The following SHROOM3 variants were observed in gnomAD, a reference collection of about 807,000 sequenced individuals.
SHROOM3 encodes shroom family member 3, also known as protein Shroom3.
A neutral mutation model predicts 138.6 loss-of-function variants in SHROOM3; 47 were observed. The ratio of observed to expected loss-of-function variants is 0.34; its 90% confidence interval spans 0.27 to 0.43. The LOEUF is 0.43. Ranked by LOEUF, SHROOM3 falls within the 20% of genes least tolerant of loss-of-function variation. SHROOM3 has a pLI of 1.00. For missense variants in SHROOM3, 2,491 were observed against 2,596.5 expected (o/e 0.96, Z 0.88); for synonymous variants, 1,062 against 1,063.3 (o/e 1.00, Z 0.02).
At chr4:76,532,496 G>C (rs989250909) in intron 1 of SHROOM3, among the ~76,000 whole-genome samples, 1 of 152,124 alleles carries the variant, frequency 6.6e-6, no homozygotes, top group Non-Finnish European at 1.5e-5. Context: ...GACATTCCAA[G>C]ACCCCCATTG....
intron 9 of SHROOM3, among the ~76,000 whole-genome samples, chr4:76,767,253 C>T (rs1482190581): frequency 6.6e-6 from 1 of 152,160 alleles, no homozygotes; most frequent in Admixed American, 6.5e-5. Flanking sequence ...GAGCTGTTGA[C>T]CTGAGTTCAG....
In SHROOM3 at chr4:76,741,995, C is replaced by A; in HGVS notation, c.3753+69C>A. The A allele has an allele frequency of 6.4e-7, 1 of 1,554,564 alleles. No homozygotes were observed. Among genetic ancestry groups the A allele is most frequent in the Non-Finnish European group, 8.8e-7 (1 of 1,141,898 alleles). ...CCCTAGAAGCTTTAGTGGGGCTCCC[C>A]AACCCCCCACACTCTCACCCGCTCT... On this transcript the variant is annotated intron_variant, in intron 5 of 10. Coordinates refer to ENST00000296043, the MANE Select transcript of SHROOM3 (RefSeq NM_020859.4). The surrounding 1 kb of genome is among the most constrained non-coding windows in gnomAD (Gnocchi z 6.2).
At chr4:76,778,435 T>C (rs1007616019) in intron 10 of SHROOM3, among the ~76,000 whole-genome samples, 9 of 152,134 alleles carry the variant, frequency 5.9e-5, no homozygotes, top group Non-Finnish European at 1.2e-4. Context: ...TTGGCCAGGC[T>C]GGGTTTGAAC....
chr4:76,611,281 C>T (rs1338519998), intron 2 of SHROOM3, among the ~76,000 whole-genome samples: 1 of 151,036 alleles, frequency 6.6e-6, no homozygotes, highest in Non-Finnish European at 1.5e-5. Flanking sequence ...TTAAAGTCTG[C>T]GTTCTCATTC....
At chr4:76,710,812 T>C (rs1460609528) in intron 3 of SHROOM3, among the ~76,000 whole-genome samples, 2 of 152,190 alleles carry the variant, frequency 1.3e-5, no homozygotes, top group Non-Finnish European at 2.9e-5. Context: ...GTGCTTCCCA[T>C]GTGCTAGGTG....
intron 1 of SHROOM3, among the ~76,000 whole-genome samples, chr4:76,504,557 T>C (rs1732170025): frequency 6.6e-6 from 1 of 152,220 alleles, no homozygotes; most frequent in Non-Finnish European, 1.5e-5. Flanking sequence ...CAATAAGCTA[T>C]TTTCCAAATA....
At chr4:76,645,583 A>G (rs978282136) in intron 2 of SHROOM3, 2 of 152,262 alleles carry the variant, frequency 1.3e-5, no homozygotes, top group African/African-American at 2.4e-5. Flanking sequence ...ACATCCTTAA[A>G]AGGAGTTTGG....
chr4:76,463,996 G>A (rs1202029647), intron 1 of SHROOM3, among the ~76,000 whole-genome samples: 1 of 152,210 alleles, frequency 6.6e-6, no homozygotes, highest in African/African-American at 2.4e-5. Context: ...CGGCATCAGA[G>A]TCCCCACACA....
At chr4:76,545,278 A>G (rs1579226153) in intron 1 of SHROOM3, among the ~76,000 whole-genome samples, 1 of 152,288 alleles carries the variant, frequency 6.6e-6, no homozygotes, top group Middle Eastern at 3.4e-3. Flanking sequence ...TAAGGCACTG[A>G]GCGGAGTTGA....
intron 5 of SHROOM3, among the ~76,000 whole-genome samples, chr4:76,743,578 C>G (rs1043729855): frequency 3.3e-5 from 5 of 152,166 alleles, no homozygotes; most frequent in African/African-American, 1.2e-4. Context: ...AAACATGCAA[C>G]CTTCTATTTT....
chr4:76,571,453 C>A lies in SHROOM3; in HGVS notation c.323+15690C>A, dbSNP rs916980884. On this transcript the variant is annotated intron_variant, in intron 2 of 10. Coordinates refer to ENST00000296043, the MANE Select transcript of SHROOM3 (RefSeq NM_020859.4). ...ACACTGGGCCCTTTTGTTTTCCCAG[C>A]AGTGTTGATTCACGTTCACTAAATA... Among the ~76,000 whole-genome samples the A allele has an allele frequency of 2.0e-5, 3 of 152,318 alleles. 1 individual carries two copies. The South Asian group carries it at 6.2e-4, about 32-fold the overall frequency.
intron 4 of SHROOM3, among the ~76,000 whole-genome samples, chr4:76,738,013 A>G (rs1455528073): frequency 2.0e-5 from 3 of 152,150 alleles, no homozygotes; most frequent in African/African-American, 7.2e-5. Context: ...GCCCTCCTAA[A>G]TGTATGAGGA....
intron 2 of SHROOM3, among the ~76,000 whole-genome samples, chr4:76,623,497 T>A (rs1049094524): frequency 6.6e-6 from 1 of 152,216 alleles, no homozygotes; most frequent in Non-Finnish European, 1.5e-5. Flanking sequence ...GGACTACCAC[T>A]CGGAATCCTC....
At position 76,739,826 on chromosome 4, in the gene SHROOM3, G is replaced by A. The variant is rs764013459; in HGVS notation, c.1653G>A (p.Lys551=). 2 of 1,614,092 alleles carry A rather than the reference G, an allele frequency of 1.2e-6. No homozygotes were observed. Among genetic ancestry groups the A allele is most frequent in the Non-Finnish European group, 1.7e-6 (2 of 1,180,050 alleles). ...AGAAGAAACCAGAAGCTACAGCCAA[G>A]TATGTCCCCTCCAAAGTCCATTTCT... ...PVEKKPEATA[K]YVPSKVHFCS... is the part of the protein sequence containing the mutation. The change falls in exon 5 of 11, where the codon AAG becomes AAA. Residue 551 remains lysine (K), a synonymous_variant. Transcript: ENST00000296043.
intron 1 of SHROOM3, among the ~76,000 whole-genome samples, chr4:76,472,669 G>A (rs942257450): frequency 2.3e-4 from 34 of 150,806 alleles, no homozygotes; most frequent in African/African-American, 8.3e-4. Flanking sequence ...GGATATTCCT[G>A]AATAAACCTT....
At chr4:76,736,768 ATTT>A (rs1220879338) in intron 4 of SHROOM3, among the ~76,000 whole-genome samples, 1 of 151,260 alleles carries the variant, frequency 6.6e-6, no homozygotes. Flanking sequence ...AGAGACAGAC[ATTT>A]TTTAGAGCAG....
intron 2 of SHROOM3, chr4:76,639,580 C>T (rs368924639): frequency 4.8e-5 from 19 of 398,460 alleles, no homozygotes; most frequent in Non-Finnish European, 7.1e-5. Context: ...TAAGCAAGGG[C>T]GGCTGCCTGG....
intron 1 of SHROOM3, among the ~76,000 whole-genome samples, chr4:76,492,178 T>C (rs1450758577): frequency 2.0e-5 from 3 of 152,228 alleles, no homozygotes; most frequent in Non-Finnish European, 4.4e-5. Context: ...GCGAAAGAAG[T>C]ATTTTCCGTT....
At position 76,732,825 on chromosome 4, in the gene SHROOM3, T is replaced by C. The variant is rs139298049; in HGVS notation, c.587+1890T>C. Among the ~76,000 whole-genome samples the C allele has an allele frequency of 2.4e-4, 36 of 152,332 alleles. 1 individual carries two copies. The East Asian group carries it at 6.6e-3, about 28-fold the overall frequency. On this transcript the variant is annotated intron_variant, in intron 4 of 10. Coordinates refer to ENST00000296043, the MANE Select transcript of SHROOM3 (RefSeq NM_020859.4). The stretch of plus-strand genomic sequence containing the variant: ...TGAGCAAATCATTTAACCTTTGATC[T>C]TGGCTTCCTTTTCTGTAAAATAACT...
Sources: allele counts gnomAD v4.1 joint callset (sites outside exome capture counted in the v4.1 genomes callset), GRCh38; gene constraint gnomAD v4.1.1; non-coding constraint Gnocchi (gnomAD v3.1); transcripts MANE v1.5; gene names NCBI Gene and HGNC (gene_info 2026-07-23, HGNC 2026-07-21).